The following TNFSF4 variants were observed in gnomAD, a reference collection of about 807,000 sequenced individuals.
TNFSF4 encodes TNF superfamily member 4, also known as tumor necrosis factor ligand superfamily member 4.
A neutral mutation model predicts 7.3 loss-of-function variants in TNFSF4; 4 were observed. That is an observed-to-expected ratio of 0.55 (90% CI 0.27 to 1.25). The LOEUF (loss-of-function observed/expected upper bound fraction) is 1.25. TNFSF4 is among the 50% of genes most tolerant of loss of function. TNFSF4 has a pLI of 0.12. For synonymous variants in TNFSF4, 76 were observed against 83.7 expected (o/e 0.91, Z 0.50); for missense variants, 181 against 208.8 (o/e 0.87, Z 0.82).
At chr1:173,388,588 C>A in the TNFSF4 span, among the ~76,000 whole-genome samples, 1 of 152,322 alleles carries the variant, frequency 6.6e-6, no homozygotes, top group East Asian at 1.9e-4. Context: ...TGTGTGATAT[C>A]ACAACGGACT....
chr1:173,349,033 A>AT, the TNFSF4 span, among the ~76,000 whole-genome samples: 11 of 151,432 alleles, frequency 7.3e-5, no homozygotes, highest in African/African-American at 2.4e-4. Flanking sequence ...TTTTATTATT[A>AT]TTATTATTTT....
chr1:173,349,062 T>C, the TNFSF4 span, among the ~76,000 whole-genome samples: 1 of 152,240 alleles, frequency 6.6e-6, no homozygotes, highest in Admixed American at 6.5e-5. Context: ...GGAGTCTCCC[T>C]CTCTCTCCCA....
the TNFSF4 span, among the ~76,000 whole-genome samples, chr1:173,285,080 A>G: frequency 6.6e-6 from 1 of 152,210 alleles, no homozygotes; most frequent in Non-Finnish European, 1.5e-5. Flanking sequence ...TCTAGACACC[A>G]TTAATTTTTG....
the TNFSF4 span, among the ~76,000 whole-genome samples, chr1:173,360,436 G>C: frequency 6.6e-6 from 1 of 152,178 alleles, no homozygotes; most frequent in African/African-American, 2.4e-5. Context: ...AAATAAATAT[G>C]ACAATTTTGA....
At chr1:173,419,342 A>T in the TNFSF4 span, among the ~76,000 whole-genome samples, 1 of 144,662 alleles carries the variant, frequency 6.9e-6, no homozygotes, top group Middle Eastern at 3.4e-3. Flanking sequence ...ACTCCGTCTC[A>T]GAAAAAAAAA....
the TNFSF4 span, among the ~76,000 whole-genome samples, chr1:173,448,752 G>A: frequency 1.1e-4 from 16 of 152,100 alleles, no homozygotes; most frequent in Non-Finnish European, 1.5e-4. Flanking sequence ...CAGTTAAGGC[G>A]GGGCAGGGCA....
intron 1 of TNFSF4, among the ~76,000 whole-genome samples, chr1:173,193,802 C>A (rs567219423): frequency 9.9e-5 from 15 of 151,518 alleles, no homozygotes; most frequent in African/African-American, 3.6e-4. Flanking sequence ...ATCAAGTACC[C>A]ACTTGGCAAA....
chr1:173,334,771 T>C, the TNFSF4 span, among the ~76,000 whole-genome samples: 1 of 152,118 alleles, frequency 6.6e-6, no homozygotes, highest in South Asian at 2.1e-4. Context: ...CCTAGAAAAT[T>C]GTAATGGTCT....
chr1:173,238,535 T>C, the TNFSF4 span, among the ~76,000 whole-genome samples: 1 of 151,998 alleles, frequency 6.6e-6, no homozygotes, highest in Non-Finnish European at 1.5e-5. Context: ...ATCCAGAATG[T>C]ACAAGAAACT....
At chr1:173,349,186 G>A in the TNFSF4 span, among the ~76,000 whole-genome samples, 10 of 151,980 alleles carry the variant, frequency 6.6e-5, no homozygotes, top group South Asian at 2.1e-4. Flanking sequence ...CCGCTGCCAC[G>A]CCCGGCTAAT....
the TNFSF4 span, among the ~76,000 whole-genome samples, chr1:173,413,753 C>A: frequency 1.3e-5 from 2 of 152,344 alleles, no homozygotes; most frequent in South Asian, 4.1e-4. Context: ...TCCTGCCAAT[C>A]CTGTACCCCA....
chr1:173,247,751 GTCAT>G, the TNFSF4 span, among the ~76,000 whole-genome samples: 5 of 152,122 alleles, frequency 3.3e-5, no homozygotes, highest in Admixed American at 6.5e-5. Context: ...GATCCTACTT[GTCAT>G]TCAAATGATT....
At chr1:173,179,527 C>T (rs111538061), downstream of TNFSF4, among the ~76,000 whole-genome samples, 1 of 152,146 alleles carries the variant, frequency 6.6e-6, no homozygotes, top group Non-Finnish European at 1.5e-5. Context: ...TTAATCATAC[C>T]TAACATCCAA....
chr1:173,322,237 T>C, the TNFSF4 span, among the ~76,000 whole-genome samples: 3 of 152,220 alleles, frequency 2.0e-5, no homozygotes, highest in East Asian at 5.8e-4. Context: ...ACATGACATA[T>C]TCTCACTCAT....
the TNFSF4 span, among the ~76,000 whole-genome samples, chr1:173,330,625 CA>C: frequency 6.6e-6 from 1 of 151,968 alleles, no homozygotes; most frequent in East Asian, 1.9e-4. Flanking sequence ...CAGTAGAGCA[CA>C]AAGTAGGTCC....
chr1:173,253,183 G>T, the TNFSF4 span, among the ~76,000 whole-genome samples: 1 of 152,082 alleles, frequency 6.6e-6, no homozygotes, highest in Non-Finnish European at 1.5e-5. Flanking sequence ...CAGCTATCAG[G>T]CTTTTTTTTC....
At chr1:173,219,665 G>A in the TNFSF4 span, among the ~76,000 whole-genome samples, 1 of 135,488 alleles carries the variant, frequency 7.4e-6, no homozygotes, top group East Asian at 1.9e-4. Context: ...TAAAGAAATT[G>A]TGATACACAC....
chr1:173,347,065 A>G, the TNFSF4 span, among the ~76,000 whole-genome samples: 1 of 152,186 alleles, frequency 6.6e-6, no homozygotes, highest in East Asian at 1.9e-4. Context: ...GAGGAAAAAT[A>G]AGTTTTTTGC....
At chr1:173,250,199 A>AT in the TNFSF4 span, among the ~76,000 whole-genome samples, 11,783 of 152,134 alleles carry the variant, frequency 0.077, 602 homozygotes, top group African/African-American at 0.14. Flanking sequence ...CTACTTGTTT[A>AT]TTTTTATTTG....
Sources: gnomAD v4.1 joint callset for allele counts (sites outside exome capture counted in the v4.1 genomes callset) on GRCh38, gnomAD v4.1.1 for gene constraint, MANE v1.5 for transcripts, NCBI Gene and HGNC (gene_info 2026-07-23, HGNC 2026-07-21) for gene names.